Variants in SLC22A23 observed in about 807,000 individuals in gnomAD.
The protein encoded by SLC22A23 is solute carrier family 22 member 23, also known as ion transporter protein.
SLC22A23 carries 26 observed loss-of-function variants against 61.0 expected under a neutral mutation model. The ratio of observed to expected loss-of-function variants is 0.43; its 90% CI spans 0.31 to 0.59. The LOEUF (loss-of-function observed/expected upper bound fraction) is 0.59. Ranked by LOEUF, SLC22A23 falls within the 20% of genes least tolerant of loss-of-function variation. The pLI, the probability that SLC22A23 is intolerant of heterozygous loss-of-function variation, is 0.11. For missense variants in SLC22A23, 796 were observed against 934.7 expected, an observed-to-expected ratio of 0.85 and a Z score of 1.94; for synonymous variants, 430 against 413.9, an observed-to-expected ratio of 1.04 and a Z score of -0.47.
chr6:3,339,316 A>C (rs759474286), intron 3 of SLC22A23, among the ~76,000 whole-genome samples: 1 of 152,194 alleles, frequency 6.6e-6, no homozygotes, highest in Non-Finnish European at 1.5e-5. Flanking sequence ...GACTTTGTCA[A>C]GCTTTGTTAC....
intron 4 of SLC22A23, among the ~76,000 whole-genome samples, chr6:3,321,363 C>T (rs9501985): frequency 0.35 from 52,391 of 151,552 alleles, 9,358 homozygotes; most frequent in Non-Finnish European, 0.37. Flanking sequence ...CCGCCATCCT[C>T]ATGCACACAC....
At chr6:3,426,665 TTCTC>T (rs1770512497) in intron 1 of SLC22A23, among the ~76,000 whole-genome samples, 1 of 152,112 alleles carries the variant, frequency 6.6e-6, no homozygotes, top group Non-Finnish European at 1.5e-5. Flanking sequence ...TTTTCTTTCT[TTCTC>T]TTTTTTTTTC....
At chr6:3,433,996 T>C (rs1252983237) in intron 1 of SLC22A23, among the ~76,000 whole-genome samples, 2 of 152,192 alleles carry the variant, frequency 1.3e-5, no homozygotes, top group Non-Finnish European at 2.9e-5. Flanking sequence ...CATTTTACTA[T>C]GTGGTCATTA....
chr6:3,376,617 C>G (rs1766586144), intron 3 of SLC22A23, among the ~76,000 whole-genome samples: 1 of 152,208 alleles, frequency 6.6e-6, no homozygotes. Flanking sequence ...TTCAGCCACC[C>G]AGCATCAATC....
intron 3 of SLC22A23, among the ~76,000 whole-genome samples, chr6:3,351,282 T>C (rs991386636): frequency 3.3e-5 from 5 of 152,238 alleles, no homozygotes; most frequent in African/African-American, 1.2e-4. Flanking sequence ...TCTAGCCGGA[T>C]GGCCCTTTGT....
At position 3,362,438 on chromosome 6, in the gene SLC22A23, A is replaced by AAAAAAAAAAAAAAAAAAAAAAAAAAAAC. The variant is rs1765536925; in HGVS notation, c.914-38437_914-38436insGTTTTTTTTTTTTTTTTTTTTTTTTTTT. On this transcript the variant is annotated intron_variant, in intron 3 of 9. Coordinates refer to ENST00000406686, the MANE Select transcript of SLC22A23 (RefSeq NM_015482.2). The stretch of plus-strand genomic sequence containing the variant: ...AAAATAAAATAAAAAATAAAAAATA[A>AAAAAAAAAAAAAAAAAAAAAAAAAAAAC]AAATTAGCATGCATTTTCATCAGGG... Among the ~76,000 whole-genome samples, 2 of 136,852 alleles carry AAAAAAAAAAAAAAAAAAAAAAAAAAAAC rather than the reference A, an allele frequency of 1.5e-5. 1 individual carries two copies. Among genetic ancestry groups the AAAAAAAAAAAAAAAAAAAAAAAAAAAAC allele is most frequent in the Non-Finnish European group, 3.0e-5 (2 of 65,992 alleles). 89.8% of individuals were successfully genotyped at this position (136,852 alleles called of 152,430 possible).
At chr6:3,378,321 T>C (rs1207971183) in intron 3 of SLC22A23, among the ~76,000 whole-genome samples, 1 of 152,092 alleles carries the variant, frequency 6.6e-6, no homozygotes, top group Non-Finnish European at 1.5e-5. Flanking sequence ...CCAGGACCGT[T>C]CTCCCAGGAA....
At chr6:3,301,621 A>G (rs1341479420) in intron 4 of SLC22A23, among the ~76,000 whole-genome samples, 1 of 152,238 alleles carries the variant, frequency 6.6e-6, no homozygotes, top group Non-Finnish European at 1.5e-5. Flanking sequence ...ATGACCCAGC[A>G]GAGGAGGAGC....
At chr6:3,348,262 T>C (rs955897316) in intron 3 of SLC22A23, among the ~76,000 whole-genome samples, 2 of 152,182 alleles carry the variant, frequency 1.3e-5, no homozygotes, top group Non-Finnish European at 2.9e-5. Flanking sequence ...AGGGAATTGG[T>C]TTCTGACCAT....
intron 4 of SLC22A23, among the ~76,000 whole-genome samples, chr6:3,307,147 A>C (rs1762035305): frequency 6.6e-6 from 1 of 152,176 alleles, no homozygotes; most frequent in Admixed American, 6.5e-5. Flanking sequence ...CACAGGTGGC[A>C]CTTGGTTACT....
rs988955253 is a variant in SLC22A23 at position 3,410,971 on chromosome 6, C to T, written c.759-629G>A. On this transcript the variant is annotated intron_variant, in intron 2 of 9. Transcript: ENST00000406686. The surrounding 1 kb of genome is among the most constrained non-coding windows in gnomAD (Gnocchi z 5.0). ...TGATAGTGAGCTGACAGTGCAGCCC[C>T]TCGGCTGGACTGAGAGGCAGGGAGC... 3.9e-5 allele frequency among the ~76,000 whole-genome samples: 6 copies of T among 152,202 alleles called. No homozygotes were observed. Among genetic ancestry groups the T allele is most frequent in the African/African-American group, 1.4e-4 (6 of 41,452 alleles).
chr6:3,389,039 G>A (rs1433844719), intron 3 of SLC22A23, among the ~76,000 whole-genome samples: 1 of 151,826 alleles, frequency 6.6e-6, no homozygotes, highest in Non-Finnish European at 1.5e-5. Flanking sequence ...AGGCTGCGGC[G>A]GGCAGATCAC....
intron 3 of SLC22A23, among the ~76,000 whole-genome samples, chr6:3,402,089 C>A (rs1768430702): frequency 6.6e-6 from 1 of 152,182 alleles, no homozygotes; most frequent in South Asian, 2.1e-4. Context: ...CCTGGCCCTC[C>A]TTCACCCTTC....
intron 3 of SLC22A23, among the ~76,000 whole-genome samples, chr6:3,393,603 C>A (rs750644417): frequency 6.6e-6 from 1 of 152,120 alleles, no homozygotes. Context: ...ATGATGTGAG[C>A]GGGAAAATGG....
intron 1 of SLC22A23, among the ~76,000 whole-genome samples, chr6:3,430,550 G>A (rs115623115): frequency 2.0e-5 from 3 of 151,740 alleles, no homozygotes; most frequent in Admixed American, 6.6e-5. Context: ...TATTGGTCAC[G>A]TATTGAGTGC....
At chr6:3,402,736 G>A (rs1324449698) in intron 3 of SLC22A23, among the ~76,000 whole-genome samples, 2 of 152,198 alleles carry the variant, frequency 1.3e-5, no homozygotes, top group Non-Finnish European at 2.9e-5. Flanking sequence ...GTCCCAGCAG[G>A]GTGTGTCTCT....
At chr6:3,305,118 C>T (rs1349453720) in intron 4 of SLC22A23, among the ~76,000 whole-genome samples, 1 of 152,190 alleles carries the variant, frequency 6.6e-6, no homozygotes, top group Non-Finnish European at 1.5e-5. Context: ...CACTGTCCCA[C>T]CAGTGTCCCC....
intron 2 of SLC22A23, among the ~76,000 whole-genome samples, chr6:3,412,621 C>T (rs575574956): frequency 5.3e-5 from 8 of 152,160 alleles, no homozygotes; most frequent in Non-Finnish European, 1.2e-4. Flanking sequence ...GAACAATGGT[C>T]CTCAAATCTG....
intron 3 of SLC22A23, among the ~76,000 whole-genome samples, chr6:3,326,440 G>A (rs919087452): frequency 2.0e-5 from 3 of 151,964 alleles, no homozygotes; most frequent in African/African-American, 7.3e-5. Flanking sequence ...GCATCTTAAT[G>A]AGCTCCCCAG....
Sources: gnomAD v4.1 joint callset for allele counts (sites outside exome capture counted in the v4.1 genomes callset) on GRCh38, gnomAD v4.1.1 for gene constraint, Gnocchi (gnomAD v3.1) non-coding constraint, MANE v1.5 for transcripts, NCBI Gene and HGNC (gene_info 2026-07-23, HGNC 2026-07-21) for gene names.